FAT3: variants seen among roughly 807,000 people sequenced by gnomAD.
FAT3 encodes FAT atypical cadherin 3.
A neutral mutation model predicts 310.2 loss-of-function variants in FAT3; 95 were observed. That is an observed-to-expected ratio of 0.31 (90% CI 0.26 to 0.36). The LOEUF (loss-of-function observed/expected upper bound fraction) is 0.36. Among genes scored for constraint, FAT3 ranks in the 10% least tolerant of loss-of-function variants. The pLI is 1.00. For synonymous variants in FAT3, 2,314 were observed against 2,192.9 expected, an observed-to-expected ratio of 1.06 and a Z score of -1.54; for missense variants, 5,408 against 5,715.6, an observed-to-expected ratio of 0.95 and a Z score of 1.74.
chr11:92,272,101 T>C (rs775186088), intron 1 of FAT3, among the ~76,000 whole-genome samples: 1 of 152,114 alleles, frequency 6.6e-6, no homozygotes, highest in Non-Finnish European at 1.5e-5. Flanking sequence ...AGCTTATGCA[T>C]CAAGAAACTC....
In FAT3 at chr11:92,354,893, T is replaced by C. The variant is rs1216667016; in HGVS notation, c.2781T>C (p.Asp927=). 2 of 1,613,782 alleles carry C rather than the reference T, an allele frequency of 1.2e-6. No individual in the cohort carries two copies. Among genetic ancestry groups the C allele is most frequent in the Non-Finnish European group, 1.7e-6 (2 of 1,179,882 alleles). ...FSVVTLKVFL[D]DVNDCSPAFI... is the part of the protein sequence containing the mutation. Reference sequence around the variant, plus strand: ...TTGTCACTCTTAAAGTTTTTTTAGATGATGTCAATGACTGCTCCCCAGCTT... The same window carrying C: ...TTGTCACTCTTAAAGTTTTTTTAGACGATGTCAATGACTGCTCCCCAGCTT... Residue 927 remains aspartate (D), a synonymous_variant, in exon 2 of 28, where the codon GAT becomes GAC. Transcript: ENST00000525166.
chr11:92,617,283 C>T (rs1003817276), intron 3 of FAT3, among the ~76,000 whole-genome samples: 7 of 152,158 alleles, frequency 4.6e-5, no homozygotes, highest in African/African-American at 1.7e-4. Context: ...TACTGAAGCT[C>T]ATGCATTCAT....
chr11:92,269,040 C>T (rs1371617970), intron 1 of FAT3, among the ~76,000 whole-genome samples: 1 of 152,130 alleles, frequency 6.6e-6, no homozygotes, highest in South Asian at 2.1e-4. Flanking sequence ...CTCCTTTTCC[C>T]TCTTCATCTC....
chr11:92,831,822 G>A lies in FAT3; in HGVS notation c.9682G>A (p.Asp3228Asn), dbSNP rs975595711. Residue 3228 changes from aspartate to asparagine, a missense_variant, in exon 14 of 28, where the codon GAC becomes AAC. Transcript: ENST00000525166. ...CACTACTGTCACCATCACCGTTCTG[G>A]ACATTAATGACAACCCCCCTGTGTT... Reference protein sequence around the residue: ...SLTTVTITVLDINDNPPVFER... With the variant: ...SLTTVTITVLNINDNPPVFER... 2 of 1,613,602 alleles carry A rather than the reference G, an allele frequency of 1.2e-6. No homozygotes were observed. The highest frequency in any genetic ancestry group is 1.7e-5 in the Admixed American group (1 of 59,966).
At chr11:92,480,910 G>C (rs1219395520) in intron 2 of FAT3, among the ~76,000 whole-genome samples, 1 of 152,206 alleles carries the variant, frequency 6.6e-6, no homozygotes, top group Non-Finnish European at 1.5e-5. Flanking sequence ...GCAAACGTTT[G>C]TTGTGTGAGT....
At chr11:92,824,975 A>G (rs1207307001) in intron 13 of FAT3, among the ~76,000 whole-genome samples, 2 of 152,206 alleles carry the variant, frequency 1.3e-5, no homozygotes, top group African/African-American at 4.8e-5. Flanking sequence ...AAAATTGGGT[A>G]AGTACCAGTT....
intron 13 of FAT3, among the ~76,000 whole-genome samples, chr11:92,817,966 G>A (rs576356896): frequency 6.6e-6 from 1 of 152,274 alleles, no homozygotes; most frequent in South Asian, 2.1e-4. Context: ...TGCAACTCTA[G>A]TGGAAAAGCA....
intron 1 of FAT3, among the ~76,000 whole-genome samples, chr11:92,267,614 G>A (rs757032917): frequency 4.6e-5 from 7 of 151,502 alleles, no homozygotes; most frequent in Non-Finnish European, 1.0e-4. Flanking sequence ...CAAAGAAAAT[G>A]ATCTACCAGT....
Position 92,880,874 on chromosome 11 carries a change from A to G in FAT3, c.12271A>G (p.Thr4091Ala), listed in dbSNP as rs1242033103. ...CATCTGCAATTGTAAAGCTGGGCTCACTGGAGTCACGTAAGTGAGATTACA... is the reference window on the plus strand; with the variant it reads ...CATCTGCAATTGTAAAGCTGGGCTCGCTGGAGTCACGTAAGTGAGATTACA... ...TFICNCKAGL[T>A]GVTCEEDINE... Residue 4091 changes from threonine (T) to alanine (A), a missense_variant, in exon 23 of 28, where the codon ACT (threonine) becomes GCT (alanine). Transcript: ENST00000525166. 2.5e-6 allele frequency: 4 copies of G among 1,613,670 alleles called. No individual in the cohort carries two copies. The highest frequency in any genetic ancestry group is 1.1e-5 in the South Asian group (1 of 91,050).
intron 2 of FAT3, among the ~76,000 whole-genome samples, chr11:92,501,060 C>A (rs1328289191): frequency 6.6e-6 from 1 of 151,998 alleles, no homozygotes; most frequent in Non-Finnish European, 1.5e-5. Flanking sequence ...TTGGATGAGA[C>A]TGATAGTGCA....
At chr11:92,577,572 A>G (rs1216249216) in intron 3 of FAT3, among the ~76,000 whole-genome samples, 2 of 152,166 alleles carry the variant, frequency 1.3e-5, no homozygotes, top group East Asian at 1.9e-4. Context: ...GTGGGAAAAC[A>G]TTCAAAATAA....
Position 92,499,201 on chromosome 11 carries a change from C to T in FAT3, c.3293-25433C>T, listed in dbSNP as rs138376384. ...TCAAAAGGGAAGAGAATGGTAAGTG[C>T]TTTATTAATCGTACACAAAATTTGT... On this transcript the variant is annotated intron_variant, in intron 2 of 27. Transcript: ENST00000525166. 1.1e-3 allele frequency among the ~76,000 whole-genome samples: 164 copies of T among 152,032 alleles called. 1 individual carries two copies. The highest frequency in any genetic ancestry group is 3.8e-3 in the African/African-American group (156 of 41,490).
At chr11:92,436,275 G>A (rs973872668) in intron 2 of FAT3, among the ~76,000 whole-genome samples, 1 of 152,024 alleles carries the variant, frequency 6.6e-6, no homozygotes, top group Non-Finnish European at 1.5e-5. Flanking sequence ...TATTAGCTGG[G>A]ACTACAGACA....
chr11:92,869,570 G>T (rs1949335737), intron 22 of FAT3, among the ~76,000 whole-genome samples: 1 of 152,160 alleles, frequency 6.6e-6, no homozygotes, highest in African/African-American at 2.4e-5. Context: ...TGCCCCTATT[G>T]TCTATACCAA....
chr11:92,413,027 A>G (rs1267105532), intron 2 of FAT3, among the ~76,000 whole-genome samples: 1 of 151,982 alleles, frequency 6.6e-6, no homozygotes, highest in Non-Finnish European at 1.5e-5. Context: ...GTATAGTGAC[A>G]TTTATCCACC....
intron 2 of FAT3, among the ~76,000 whole-genome samples, chr11:92,523,242 G>C (rs950887973): frequency 6.6e-6 from 1 of 151,968 alleles, no homozygotes; most frequent in African/African-American, 2.4e-5. Context: ...TGACAGATTG[G>C]CATTTCTCTT....
intron 4 of FAT3, among the ~76,000 whole-genome samples, chr11:92,749,803 A>C (rs772649432): frequency 2.0e-5 from 3 of 152,222 alleles, no homozygotes; most frequent in Non-Finnish European, 4.4e-5. Context: ...CAACAGCCAC[A>C]ACATTAAATT....
chr11:92,390,956 T>A (rs1949733985), intron 2 of FAT3, among the ~76,000 whole-genome samples: 1 of 152,166 alleles, frequency 6.6e-6, no homozygotes, highest in Non-Finnish European at 1.5e-5. Context: ...GGTTTAGACA[T>A]CAGCTTGTGT....
chr11:92,523,376 A>G (rs77551126), intron 2 of FAT3, among the ~76,000 whole-genome samples: 6,772 of 152,264 alleles, frequency 0.044, 185 homozygotes, highest in East Asian at 0.084. Flanking sequence ...GGTGAATAAC[A>G]TAGCAGCTGA....
Sources: gnomAD v4.1 joint callset for allele counts (sites outside exome capture counted in the v4.1 genomes callset) on GRCh38, gnomAD v4.1.1 for gene constraint, MANE v1.5 for transcripts, NCBI Gene and HGNC (gene_info 2026-07-23, HGNC 2026-07-21) for gene names.